The following NEBL variants were observed in gnomAD, a reference collection of about 807,000 sequenced individuals.
NEBL encodes the protein nebulette.
NEBL carries 122 observed loss-of-function variants against 140.2 expected under a neutral mutation model. The ratio of observed to expected loss-of-function variants is 0.87; its 90% confidence interval spans 0.75 to 1.01. The LOEUF (loss-of-function observed/expected upper bound fraction) is 1.01. Among genes scored for constraint, NEBL ranks in the 50% least tolerant of loss-of-function variants. The probability of loss-of-function intolerance (pLI) is 0.00; values close to 1 mark genes in which losing one functional copy is unlikely to be tolerated. For synonymous variants in NEBL, 436 were observed against 398.9 expected (o/e 1.09, Z -1.11); for missense variants, 1,365 against 1,231.3 (o/e 1.11, Z -1.62).
At chr10:21,031,843 T>TTCCCTATAAA (rs1833809578) in intron 2 of NEBL, among the ~76,000 whole-genome samples, 1 of 152,264 alleles carries the variant, frequency 6.6e-6, no homozygotes, top group Admixed American at 6.5e-5. Context: ...CTAGTCTTCA[T>TTCCCTATAAA]GTTTTATTCC....
At chr10:21,059,798 G>T (rs1234139851) in intron 2 of NEBL, among the ~76,000 whole-genome samples, 2 of 152,164 alleles carry the variant, frequency 1.3e-5, no homozygotes, top group East Asian at 3.8e-4. Flanking sequence ...GTGAGTTTTA[G>T]AATTAAGGTT....
intron 3 of NEBL, among the ~76,000 whole-genome samples, chr10:21,223,379 C>A (rs904278903): frequency 5.3e-5 from 8 of 152,196 alleles, no homozygotes; most frequent in African/African-American, 1.9e-4. Context: ...ATGATAGGAT[C>A]ACATTCTTTT....
chr10:20,946,803 G>A (rs924614996), intron 4 of NEBL, among the ~76,000 whole-genome samples: 1 of 152,284 alleles, frequency 6.6e-6, no homozygotes, highest in African/African-American at 2.4e-5. Context: ...ATATCAGGAG[G>A]CTGGAATCAG....
chr10:21,262,717 C>T (rs1013637153), intron 1 of NEBL, among the ~76,000 whole-genome samples: 15 of 152,240 alleles, frequency 9.9e-5, no homozygotes, highest in Non-Finnish European at 1.6e-4. Context: ...GCCTAGGGTC[C>T]GGCCCCAAGG....
At position 21,094,554 on chromosome 10, in the gene NEBL, G is replaced by A. The variant is rs555507025; in HGVS notation, c.165-74353C>T. Among the ~76,000 whole-genome samples the A allele has an allele frequency of 2.8e-4, 42 of 148,358 alleles. No individual in the cohort carries two copies. In the South Asian group the frequency reaches 9.0e-3, roughly 32 times the overall value. On this transcript the variant is annotated intron_variant, in intron 2 of 6. Transcript: ENST00000417816. ...AAAATTAGCCAGATGTGGTGGTGGA[G>A]TGCCTGTAATCCCAGCTACTCGGAG...
chr10:20,819,544 A>G, intron 19 of NEBL, 28 bp from the exon 20 acceptor site: 1 of 1,613,232 alleles, frequency 6.2e-7, no homozygotes, highest in Non-Finnish European at 8.5e-7. Context: ...AGACAGTTTG[A>G]GATTATGGGA....
At chr10:21,273,688 C>T (rs74123928) in intron 1 of NEBL, among the ~76,000 whole-genome samples, 5,214 of 152,308 alleles carry the variant, frequency 0.034, 277 homozygotes, top group African/African-American at 0.12. Context: ...TAAGATGCAG[C>T]TTCTAGTCCT....
chr10:21,183,257 A>C (rs1049389203), intron 3 of NEBL, among the ~76,000 whole-genome samples: 3 of 152,214 alleles, frequency 2.0e-5, no homozygotes, highest in Non-Finnish European at 4.4e-5. Flanking sequence ...AGAGAGAGAC[A>C]AGAAGAGGGC....
chr10:20,823,247 T>C lies in NEBL; in HGVS notation c.1923A>G (p.Glu641=). ...TCTGGTTTTCTTTAACTCTCTTTAG[T>C]TCTGGAGGATCAGAAATGGCTGTTG... ...KHATAISDPP[E]LKRVKENQKN... is the part of the protein sequence containing the mutation. Residue 641 remains glutamate, a synonymous_variant, in exon 19 of 28, where the codon GAA becomes GAG. Coordinates refer to ENST00000377122, the MANE Select transcript of NEBL (RefSeq NM_006393.3). The C allele has an allele frequency of 6.2e-7, 1 of 1,609,876 alleles. No individual in the cohort carries two copies. Among genetic ancestry groups the C allele is most frequent in the Non-Finnish European group, 8.5e-7 (1 of 1,178,330 alleles).
chr10:21,123,637 T>A (rs1838680765), intron 2 of NEBL, among the ~76,000 whole-genome samples: 1 of 152,012 alleles, frequency 6.6e-6, no homozygotes. Context: ...ATTATCCAAA[T>A]TCTTCCTTCC....
At chr10:20,816,363 G>C (rs77023742) in intron 21 of NEBL, among the ~76,000 whole-genome samples, 4,962 of 152,252 alleles carry the variant, frequency 0.033, 139 homozygotes, top group East Asian at 0.11. Context: ...GGTTTCTTAG[G>C]AATTAACTGC....
chr10:21,274,559 G>A (rs1016212378), intron 1 of NEBL, among the ~76,000 whole-genome samples: 1 of 152,028 alleles, frequency 6.6e-6, no homozygotes, highest in African/African-American at 2.4e-5. Flanking sequence ...CCGAGTAGCT[G>A]GGATTACATG....
At chr10:20,937,134 A>G (rs749231071) in intron 4 of NEBL, among the ~76,000 whole-genome samples, 1 of 151,912 alleles carries the variant, frequency 6.6e-6, no homozygotes, top group Non-Finnish European at 1.5e-5. Context: ...GACTTCCCCA[A>G]CTCTCCCAAA....
Position 20,919,606 on chromosome 10 carries a change from C to T in NEBL, c.357+42066G>A, listed in dbSNP as rs542973099. ...AAGAAAAGGGAGAAAAGGACAACCC[C>T]TTAATAAATAATGTTACAACAACAC... On this transcript the variant is annotated intron_variant, in intron 4 of 6. Transcript: ENST00000417816. 2.6e-5 allele frequency among the ~76,000 whole-genome samples: 4 copies of T among 152,248 alleles called. No homozygotes were observed. The South Asian group carries it at 6.2e-4, about 24-fold the overall frequency.
In NEBL at chr10:20,983,561, G is replaced by A. The variant is rs369801800; in HGVS notation, c.250-21782C>T. 3.5e-4 allele frequency among the ~76,000 whole-genome samples: 53 copies of A among 152,272 alleles called. 1 individual carries two copies. The South Asian group carries it at 1.0e-2, about 29-fold the overall frequency. On this transcript the variant is annotated intron_variant, in intron 3 of 6. Transcript: ENST00000417816. ...ACTAGTTGTTATCAAATTGCAAATC[G>A]TTGTACCCAAAATATCTGTCCATAG...
At chr10:20,938,808 C>T (rs928201933) in intron 4 of NEBL, among the ~76,000 whole-genome samples, 26 of 152,102 alleles carry the variant, frequency 1.7e-4, no homozygotes, top group African/African-American at 5.1e-4. Flanking sequence ...CCTCAGTAGC[C>T]GATGCGATCA....
At chr10:21,255,588 G>A (rs187108761) in intron 1 of NEBL, among the ~76,000 whole-genome samples, 1 of 152,254 alleles carries the variant, frequency 6.6e-6, no homozygotes, top group African/African-American at 2.4e-5. Context: ...GTGGCTAGTG[G>A]CCACTTTACT....
intron 4 of NEBL, among the ~76,000 whole-genome samples, chr10:20,934,758 C>T (rs951395168): frequency 8.5e-5 from 13 of 152,174 alleles, no homozygotes; most frequent in African/African-American, 3.1e-4. Flanking sequence ...CTCTATTGTA[C>T]TGAGATCTGA....
chr10:20,890,753 G>A (rs1264269564), intron 2 of NEBL, among the ~76,000 whole-genome samples: 2 of 152,210 alleles, frequency 1.3e-5, no homozygotes, highest in African/African-American at 2.4e-5. Context: ...GGGAAGACCC[G>A]GGTGGATATT....
Sources: allele counts gnomAD v4.1 joint callset (sites outside exome capture counted in the v4.1 genomes callset), GRCh38; gene constraint gnomAD v4.1.1; transcripts MANE v1.5; gene names NCBI Gene and HGNC (gene_info 2026-07-23, HGNC 2026-07-21).